The following BTG4 variants were observed in gnomAD, a reference collection of about 807,000 sequenced individuals.
BTG4 encodes protein BTG4.
In BTG4, 10 loss-of-function variants were observed where a neutral mutation model predicts 19.3. The ratio of observed to expected loss-of-function variants is 0.52; its 90% CI spans 0.32 to 0.88. BTG4 has a LOEUF of 0.88. BTG4 is among the 40% of genes least tolerant of loss of function. The probability of loss-of-function intolerance (pLI) is 0.04; values close to 1 mark genes in which losing one functional copy is unlikely to be tolerated. For missense variants in BTG4, 238 were observed against 281.9 expected (o/e 0.84, Z 1.11); for synonymous variants, 91 against 95.7 (o/e 0.95, Z 0.29).
chr11:111,399,286 T>C, the BTG4 span: 1 of 152,212 alleles, frequency 6.6e-6, no homozygotes, highest in African/African-American at 2.4e-5. Context: ...GTCAGATATT[T>C]TGACTGAACC....
the BTG4 span, among the ~76,000 whole-genome samples, chr11:111,456,255 C>A: frequency 1.3e-5 from 2 of 152,158 alleles, no homozygotes; most frequent in Admixed American, 6.5e-5. This position sits in a 1 kb window ranked among gnomAD's most constrained non-coding sequence, Gnocchi z 4.2. Flanking sequence ...CCGTAGCCCC[C>A]CTGTAGGCTG....
At chr11:111,425,932 G>T in the BTG4 span, among the ~76,000 whole-genome samples, 1 of 152,182 alleles carries the variant, frequency 6.6e-6, no homozygotes, top group Non-Finnish European at 1.5e-5. Context: ...TCGGGAGGCT[G>T]AGGTGGGAGG....
intron 1 of BTG4, among the ~76,000 whole-genome samples, chr11:111,511,020 T>C (rs1286395039): frequency 6.6e-6 from 1 of 152,384 alleles, no homozygotes; most frequent in South Asian, 2.1e-4. Flanking sequence ...TAAGTCTGCA[T>C]ATTGTTAATG....
At chr11:111,475,077 A>T (rs1333031890) in intron 5 of BTG4, 1 of 152,282 alleles carries the variant, frequency 6.6e-6, no homozygotes, top group Admixed American at 6.6e-5. Flanking sequence ...TATAATGTTT[A>T]TTTTTTCCAT....
intron 1 of BTG4, among the ~76,000 whole-genome samples, chr11:111,510,870 C>A (rs777916584): frequency 3.9e-5 from 6 of 152,144 alleles, no homozygotes; most frequent in Non-Finnish European, 4.4e-5. Flanking sequence ...CAATCCAGCT[C>A]AGGTAAGATA....
chr11:111,513,427 AT>A (rs758070587), upstream of BTG4: 28 of 534,284 alleles, frequency 5.2e-5, 3 homozygotes, highest in South Asian at 3.9e-4. Flanking sequence ...TGAGACTGCA[AT>A]TTTTTCTATG....
chr11:111,509,018 C>A (rs1173149636), intron 1 of BTG4, among the ~76,000 whole-genome samples: 1 of 152,002 alleles, frequency 6.6e-6, no homozygotes, highest in Non-Finnish European at 1.5e-5. Flanking sequence ...TTTTGTTAGA[C>A]TGCTTATGAT....
At chr11:111,476,391 G>A (rs544130813) in intron 5 of BTG4, among the ~76,000 whole-genome samples, 1 of 152,062 alleles carries the variant, frequency 6.6e-6, no homozygotes, top group South Asian at 2.1e-4. Flanking sequence ...TCCAACTGAT[G>A]AAAATACTAA....
At chr11:111,498,830 A>C (rs749434055) in intron 1 of BTG4, 28 bp from the exon 2 acceptor site, 6 of 1,435,318 alleles carry the variant, frequency 4.2e-6, no homozygotes, top group Non-Finnish European at 5.7e-6. Context: ...AGCAAGAAGA[A>C]ATAGAAAGAA....
rs183024647 is a variant in BTG4 at position 111,500,129 on chromosome 11, A to G, written c.-26-1327T>C. ...TGCACTCCAGACTGGGTGACAGAGC[A>G]AGACTCCGTCTCAAAAAATAAAAAT... On this transcript the variant is annotated intron_variant, in intron 1 of 4. Transcript: ENST00000692032. Among the ~76,000 whole-genome samples, 15 of 151,944 alleles carry G rather than the reference A, an allele frequency of 9.9e-5. No individual in the cohort carries two copies. The East Asian group carries it at 2.9e-3, about 29-fold the overall frequency.
At chr11:111,512,519 G>T (rs1428054399), upstream of BTG4, among the ~76,000 whole-genome samples, 3 of 152,148 alleles carry the variant, frequency 2.0e-5, no homozygotes, top group African/African-American at 4.8e-5. Context: ...GCACGGGGTC[G>T]AGAGAGCCAG....
intron 1 of BTG4, among the ~76,000 whole-genome samples, chr11:111,505,556 T>C (rs1164627508): frequency 6.6e-6 from 1 of 152,022 alleles, no homozygotes; most frequent in Non-Finnish European, 1.5e-5. Flanking sequence ...AAACTCCTTA[T>C]GGACATCGGC....
chr11:111,411,424 T>A, the BTG4 span, among the ~76,000 whole-genome samples: 1 of 152,174 alleles, frequency 6.6e-6, no homozygotes, highest in African/African-American at 2.4e-5. Context: ...CCTCCTTTCT[T>A]CGGGTCACTG....
the BTG4 span, among the ~76,000 whole-genome samples, chr11:111,393,502 T>G: frequency 6.6e-6 from 1 of 152,188 alleles, no homozygotes; most frequent in Non-Finnish European, 1.5e-5. Flanking sequence ...CCCAAAGAAC[T>G]GTATACTTTG....
chr11:111,505,749 A>G (rs1050354356), intron 1 of BTG4, among the ~76,000 whole-genome samples: 3 of 152,148 alleles, frequency 2.0e-5, no homozygotes, highest in Admixed American at 2.0e-4. Flanking sequence ...ATTAGTATTC[A>G]GAATCTACAA....
intron 1 of BTG4, among the ~76,000 whole-genome samples, chr11:111,500,108 C>T (rs1452085991): frequency 2.0e-5 from 3 of 151,686 alleles, no homozygotes; most frequent in African/African-American, 4.9e-5. Flanking sequence ...CACCACTGCA[C>T]TCCAGACTGG....
Position 111,498,235 on chromosome 11 carries a change from C to T in BTG4, c.174-100G>A, listed in dbSNP as rs921754943. The T allele has an allele frequency of 3.7e-6, 5 of 1,348,268 alleles. No individual in the cohort carries two copies. In the African/African-American group the frequency reaches 4.3e-5, roughly 12 times the overall value. The allele number at this position is 1,348,268 out of a possible 1,614,324, so 83.5% of individuals were successfully genotyped here. ...GTTCCAATACACATAGCTCCCACCT[C>T]ATCCCCTCAGCCTCCTTCCCCTCAG... On this transcript the variant is annotated intron_variant, in intron 2 of 4. Coordinates refer to ENST00000692032, the MANE Select transcript of BTG4 (RefSeq NM_001367975.1).
chr11:111,484,485 G>C (rs1864933745), intron 5 of BTG4, among the ~76,000 whole-genome samples: 1 of 152,166 alleles, frequency 6.6e-6, no homozygotes, highest in African/African-American at 2.4e-5. Context: ...GTGAAAGCAG[G>C]GGGTAGGGAG....
the BTG4 span, among the ~76,000 whole-genome samples, chr11:111,420,167 A>T: frequency 6.6e-6 from 1 of 152,222 alleles, no homozygotes; most frequent in Non-Finnish European, 1.5e-5. Context: ...CCCTGAATCC[A>T]AGTCTCAAGG....
Sources: allele counts gnomAD v4.1 joint callset (sites outside exome capture counted in the v4.1 genomes callset), GRCh38; gene constraint gnomAD v4.1.1; non-coding constraint Gnocchi (gnomAD v3.1); transcripts MANE v1.5; gene names NCBI Gene and HGNC (gene_info 2026-07-23, HGNC 2026-07-21).